TENM2: variants seen among roughly 807,000 people sequenced by gnomAD.
TENM2 encodes the protein teneurin-2.
Under a neutral mutation model 245.2 loss-of-function variants are expected in TENM2, and 52 were observed. That is an observed-to-expected ratio of 0.21 (90% CI 0.17 to 0.27). TENM2 has a LOEUF of 0.27. Among genes scored for constraint, TENM2 ranks in the 10% least tolerant of loss-of-function variants. TENM2 has a pLI of 1.00. For missense variants in TENM2, 3,046 were observed against 3,666.8 expected (o/e 0.83, Z 4.37); for synonymous variants, 1,363 against 1,438.9 (o/e 0.95, Z 1.19).
the TENM2 span, among the ~76,000 whole-genome samples, chr5:167,199,357 C>T: frequency 5.3e-5 from 8 of 152,104 alleles, no homozygotes; most frequent in Admixed American, 3.3e-4. Flanking sequence ...CTTCTTGTAA[C>T]TGGCATTCTC....
chr5:167,259,360 A>G, the TENM2 span, among the ~76,000 whole-genome samples: 1 of 152,204 alleles, frequency 6.6e-6, no homozygotes, highest in Non-Finnish European at 1.5e-5. Flanking sequence ...GATGATTTGA[A>G]TTCTAAAGAG....
chr5:167,005,726 G>A, the TENM2 span, among the ~76,000 whole-genome samples: 137,249 of 143,284 alleles, frequency 0.96, 65,792 homozygotes, highest in African/African-American at 0.98. Flanking sequence ...CAATGGCGTG[G>A]TATTGGCTCA....
the TENM2 span, among the ~76,000 whole-genome samples, chr5:167,081,730 G>A: frequency 6.6e-6 from 1 of 152,250 alleles, no homozygotes; most frequent in East Asian, 1.9e-4. Context: ...TGACCAGGAT[G>A]TTACACAGGA....
chr5:168,011,767 A>G (rs1581050891), intron 5 of TENM2, among the ~76,000 whole-genome samples: 1 of 152,308 alleles, frequency 6.6e-6, no homozygotes, highest in East Asian at 1.9e-4. Flanking sequence ...AGGTATAATG[A>G]AAAGTACCGC....
At chr5:167,005,939 T>G in the TENM2 span, among the ~76,000 whole-genome samples, 2 of 152,024 alleles carry the variant, frequency 1.3e-5, no homozygotes, top group African/African-American at 4.8e-5. Flanking sequence ...GGATTACAGG[T>G]GTGAGCCACC....
chr5:167,842,421 T>C (rs2151159959), intron 2 of TENM2, among the ~76,000 whole-genome samples: 1 of 151,760 alleles, frequency 6.6e-6, no homozygotes, highest in East Asian at 1.9e-4. Flanking sequence ...AAAGACTATC[T>C]CTACTAAAAA....
intron 4 of TENM2, among the ~76,000 whole-genome samples, chr5:167,956,647 T>C (rs540285142): frequency 1.3e-5 from 2 of 152,214 alleles, no homozygotes; most frequent in African/African-American, 4.8e-5. Flanking sequence ...ATATGTTTCA[T>C]CAATACCTAG....
intron 27 of TENM2, among the ~76,000 whole-genome samples, chr5:168,257,251 A>G (rs915497819): frequency 1.3e-5 from 2 of 151,906 alleles, no homozygotes; most frequent in African/African-American, 4.8e-5. Context: ...TGAGCAAGGT[A>G]AGGGGACTAG....
intron 2 of TENM2, among the ~76,000 whole-genome samples, chr5:167,536,759 A>C (rs1195669710): frequency 6.6e-6 from 1 of 152,142 alleles, no homozygotes; most frequent in Admixed American, 6.5e-5. Context: ...GCTCATGCCT[A>C]TATTCCCAGC....
intron 2 of TENM2, among the ~76,000 whole-genome samples, chr5:167,468,883 G>T (rs759530727): frequency 6.6e-6 from 1 of 152,144 alleles, no homozygotes; most frequent in Non-Finnish European, 1.5e-5. Context: ...TAAAAAATGT[G>T]ACACTTCTGT....
chr5:167,438,715 G>A (rs1764716168), intron 2 of TENM2, among the ~76,000 whole-genome samples: 1 of 150,962 alleles, frequency 6.6e-6, no homozygotes, highest in African/African-American at 2.4e-5. Flanking sequence ...CATTTTTAAT[G>A]GTGTCCGTGC....
the TENM2 span, among the ~76,000 whole-genome samples, chr5:167,102,741 C>T: frequency 6.6e-6 from 1 of 152,242 alleles, no homozygotes; most frequent in Non-Finnish European, 1.5e-5. Flanking sequence ...TCAGTGCAAC[C>T]TCCGCCTCCC....
chr5:167,655,221 G>C (rs544395267), intron 2 of TENM2, among the ~76,000 whole-genome samples: 5 of 152,252 alleles, frequency 3.3e-5, no homozygotes, highest in African/African-American at 9.6e-5. Flanking sequence ...GAACAGACAG[G>C]AAGCAAGACA....
chr5:167,199,756 T>C, the TENM2 span, among the ~76,000 whole-genome samples: 85 of 152,230 alleles, frequency 5.6e-4, no homozygotes, highest in Non-Finnish European at 1.5e-5. Flanking sequence ...AGCTTTCAAA[T>C]AAGTCCTTAG....
chr5:167,007,711 T>C, the TENM2 span, among the ~76,000 whole-genome samples: 2 of 152,302 alleles, frequency 1.3e-5, no homozygotes, highest in East Asian at 3.9e-4. This position sits in a 1 kb window ranked among gnomAD's most constrained non-coding sequence, Gnocchi z 4.2. Context: ...CACTTGTATA[T>C]AGTGCTCAAC....
intron 2 of TENM2, among the ~76,000 whole-genome samples, chr5:167,664,641 G>A (rs1213790862): frequency 1.3e-5 from 2 of 152,146 alleles, no homozygotes; most frequent in East Asian, 3.8e-4. Flanking sequence ...TATTCCTCAT[G>A]GTTAAGTTTG....
chr5:167,567,977 C>CA (rs70976435), intron 2 of TENM2, among the ~76,000 whole-genome samples: 84,271 of 141,714 alleles, frequency 0.59, 24,404 homozygotes, highest in Middle Eastern at 0.72. Context: ...ATATATTGTA[C>CA]AAAAAAAAAA....
At chr5:167,452,932 TATATATATATATA>T (rs1194910389) in intron 2 of TENM2, among the ~76,000 whole-genome samples, 2 of 14,078 alleles carry the variant, frequency 1.4e-4, no homozygotes, top group Non-Finnish European at 2.3e-4. Context: ...AAGTATGATT[TATATATATATATA>T]TATATATATA....
the TENM2 span, among the ~76,000 whole-genome samples, chr5:167,131,143 G>A: frequency 1.3e-5 from 2 of 151,976 alleles, no homozygotes; most frequent in East Asian, 3.9e-4. Context: ...ATCTCATCAT[G>A]GTTAGGTTAA....
Sources: gnomAD v4.1 joint callset for allele counts (sites outside exome capture counted in the v4.1 genomes callset) on GRCh38, gnomAD v4.1.1 for gene constraint, Gnocchi (gnomAD v3.1) non-coding constraint, MANE v1.5 for transcripts, NCBI Gene and HGNC (gene_info 2026-07-23, HGNC 2026-07-21) for gene names.